TPTE2: variants seen among roughly 807,000 people sequenced by gnomAD.
The protein encoded by TPTE2 is phosphatidylinositol 3,4,5-trisphosphate 3-phosphatase TPTE2.
Under a neutral mutation model 78.6 loss-of-function variants are expected in TPTE2, and 53 were observed. The ratio of observed to expected loss-of-function variants is 0.67; its 90% CI spans 0.54 to 0.85. The LOEUF (loss-of-function observed/expected upper bound fraction) is 0.85. Among genes scored for constraint, TPTE2 ranks in the 40% least tolerant of loss-of-function variants. The pLI is 0.00. For missense variants in TPTE2, 461 were observed against 623.0 expected (o/e 0.74, Z 2.77); for synonymous variants, 175 against 206.2 (o/e 0.85, Z 1.30).
At chr13:19,475,529 T>C in intron 5 of TPTE2, 44 bp downstream of exon 8, 1 of 1,596,558 alleles carries the variant, frequency 6.3e-7, no homozygotes, top group East Asian at 2.2e-5. Flanking sequence ...CCCAGCCAAG[T>C]CTCAGATATA....
the TPTE2 span, among the ~76,000 whole-genome samples, chr13:19,553,656 T>C: frequency 6.6e-6 from 1 of 152,238 alleles, no homozygotes; most frequent in Non-Finnish European, 1.5e-5. Context: ...CATGGATGAA[T>C]CTCAAATCAT....
chr13:19,514,590 A>AGTGTGTGTGT (rs1282304990), intron 1 of TPTE2, among the ~76,000 whole-genome samples: 1 of 18,656 alleles, frequency 5.4e-5, no homozygotes, highest in East Asian at 3.7e-3. Flanking sequence ...AGTACTTCTG[A>AGTGTGTGTGT]GAGTGTGTGT....
At chr13:19,552,630 T>A in the TPTE2 span, 1 of 744,664 alleles carries the variant, frequency 1.3e-6, no homozygotes, top group East Asian at 3.0e-5. Context: ...CAGGATCAGC[T>A]CTTCAAAGCC....
upstream of TPTE2, among the ~76,000 whole-genome samples, chr13:19,541,193 C>T (rs34504982): frequency 6.6e-6 from 1 of 152,244 alleles, no homozygotes; most frequent in Non-Finnish European, 1.5e-5. Flanking sequence ...GGCTCATTCA[C>T]AGGCCTTCTT....
At chr13:19,490,829 C>T (rs760150554) in intron 3 of TPTE2, among the ~76,000 whole-genome samples, 1 of 152,180 alleles carries the variant, frequency 6.6e-6, no homozygotes, top group African/African-American at 2.4e-5. Context: ...AGCTCCCTGC[C>T]CACTGTTACC....
chr13:19,550,619 T>C, the TPTE2 span, among the ~76,000 whole-genome samples: 1 of 151,992 alleles, frequency 6.6e-6, no homozygotes, highest in Non-Finnish European at 1.5e-5. Context: ...ATATAATGAG[T>C]ACTATTATTA....
chr13:19,427,059 C>CTTTTTTT lies in TPTE2; in HGVS notation c.1303-549_1303-543dup, dbSNP rs56254843. ...TTTAGGGTTATCATGAACCACTTTTCTTTTTTTTTCTTTTCTTTTCTTTTT... is the reference window on the plus strand; with the variant it reads ...TTTAGGGTTATCATGAACCACTTTTCTTTTTTTTTTTTTTTTCTTTTCTTTTCTTTTT... On this transcript the variant is annotated intron_variant, in intron 17 of 19. Coordinates refer to ENST00000400230, the Ensembl canonical transcript of TPTE2. Among the ~76,000 whole-genome samples, 3 of 124,428 alleles carry CTTTTTTT rather than the reference C, an allele frequency of 2.4e-5. No individual in the cohort carries two copies. In the Admixed American group the frequency reaches 2.8e-4, roughly 12 times the overall value. 81.6% of individuals were successfully genotyped at this position (124,428 alleles called of 152,430 possible). A position where few individuals can be genotyped will look rare whatever the true frequency, so the allele number is the denominator to read the frequency against.
chr13:19,452,986 A>AT (rs1555249725), intron 10 of TPTE2, among the ~76,000 whole-genome samples: 270 of 19,904 alleles, frequency 0.014, 1 homozygote, highest in African/African-American at 0.018. Context: ...ATTTTATTTT[A>AT]TTTATTTTAT....
chr13:19,544,892 ACT>A, the TPTE2 span, among the ~76,000 whole-genome samples: 2 of 151,652 alleles, frequency 1.3e-5, no homozygotes, highest in Non-Finnish European at 2.9e-5. Flanking sequence ...ATAGAGTGAG[ACT>A]CTGTCTCAAA....
At position 19,464,855 on chromosome 13, in the gene TPTE2, C is replaced by T. The variant is rs143141830; in HGVS notation, c.677-335G>A. Among the ~76,000 whole-genome samples, 882 of 152,262 alleles carry T rather than the reference C, an allele frequency of 5.8e-3. 13 individuals carry two copies. Among genetic ancestry groups the T allele is most frequent in the African/African-American group, 0.02 (830 of 41,562 alleles). On this transcript the variant is annotated intron_variant, in intron 9 of 19. Coordinates refer to ENST00000400230, the Ensembl canonical transcript of TPTE2. ...ATCCAAGATTTCTGGGCACCAGTGACGGTGGGAACTCCCAAGGTGCTTTGC... is the reference window on the plus strand; with the variant it reads ...ATCCAAGATTTCTGGGCACCAGTGATGGTGGGAACTCCCAAGGTGCTTTGC...
rs762979744 is a variant in TPTE2, at chr13:19,503,204, C to T, written c.11+20G>A. ...TCAGTTATAATTAGATAAATAAAGA[C>T]ACATGTATGCATAACTCACCTTTCA... On this transcript the variant is annotated intron_variant, in intron 1 of 19. Transcript: ENST00000400230. 161 of 1,613,356 alleles carry T rather than the reference C, an allele frequency of 1.0e-4. No individual in the cohort carries two copies. The highest frequency in any genetic ancestry group is 1.3e-4 in the Non-Finnish European group (154 of 1,179,574).
chr13:19,536,307 T>C (rs905322327), intron 1 of TPTE2, among the ~76,000 whole-genome samples: 4 of 152,146 alleles, frequency 2.6e-5, no homozygotes, highest in African/African-American at 9.6e-5. Flanking sequence ...TATAATATAA[T>C]GTATAATATG....
intron 1 of TPTE2, among the ~76,000 whole-genome samples, chr13:19,515,065 T>C (rs1869710986): frequency 6.6e-6 from 1 of 152,228 alleles, no homozygotes; most frequent in South Asian, 2.1e-4. Flanking sequence ...CTACACCGTA[T>C]ATTATGCCAT....
chr13:19,498,649 C>A (rs988407181), intron 1 of TPTE2, among the ~76,000 whole-genome samples: 3 of 151,698 alleles, frequency 2.0e-5, no homozygotes, highest in Admixed American at 6.6e-5. Flanking sequence ...CTGAAGGAAG[C>A]GCTAAATATG....
At chr13:19,471,754 A>G (rs1426750430) in intron 6 of TPTE2, among the ~76,000 whole-genome samples, 1 of 152,170 alleles carries the variant, frequency 6.6e-6, no homozygotes, top group African/African-American at 2.4e-5. Context: ...CTGTATACCT[A>G]CTATTACCAG....
chr13:19,544,924 A>G, the TPTE2 span, among the ~76,000 whole-genome samples: 1 of 130,316 alleles, frequency 7.7e-6, no homozygotes, highest in Non-Finnish European at 1.6e-5. Context: ...CAAAACACAC[A>G]CGTGCACACT....
At chr13:19,468,387 T>C (rs1879419867) in intron 6 of TPTE2, among the ~76,000 whole-genome samples, 1 of 152,116 alleles carries the variant, frequency 6.6e-6, no homozygotes, top group African/African-American at 2.4e-5. Flanking sequence ...CTTGTGTATA[T>C]GTACTATATT....
intron 4 of TPTE2, among the ~76,000 whole-genome samples, chr13:19,476,190 A>T (rs957318939): frequency 6.6e-6 from 1 of 152,078 alleles, no homozygotes; most frequent in African/African-American, 2.4e-5. Flanking sequence ...ACTTCAAAGG[A>T]CAAACACCCG....
At position 19,535,604 on chromosome 13, in the gene TPTE2, G is replaced by C. The variant is rs1871167885; in HGVS notation, c.-44+992C>G. Among the ~76,000 whole-genome samples the C allele has an allele frequency of 7.3e-6, 1 of 137,742 alleles. No individual in the cohort carries two copies. The highest frequency in any genetic ancestry group is 2.7e-5 in the African/African-American group (1 of 37,370). The allele number at this position is 137,742 out of a possible 152,430, so 90.4% of individuals were successfully genotyped here. ...GAGGTTCTAAGTAATACTATCTCCA[G>C]GATTTTCTTATTTATTTATTTATTT... is the stretch of plus-strand genomic sequence containing the variant. On this transcript the variant is annotated intron_variant, in intron 1 of 17. Coordinates refer to the TPTE2 transcript ENST00000390680. This position sits in a 1 kb window ranked among gnomAD's most constrained non-coding sequence, Gnocchi z 5.1.
Sources: allele counts gnomAD v4.1 joint callset (sites outside exome capture counted in the v4.1 genomes callset), GRCh38; gene constraint gnomAD v4.1.1; non-coding constraint Gnocchi (gnomAD v3.1); transcripts MANE v1.5; gene names NCBI Gene and HGNC (gene_info 2026-07-23, HGNC 2026-07-21).